The following GPC5 variants were observed in gnomAD, a reference collection of about 807,000 sequenced individuals.
The protein encoded by GPC5 is glypican 5, also known as glypican-5.
Under a neutral mutation model 53.9 loss-of-function variants are expected in GPC5, and 47 were observed. The observed-to-expected ratio is 0.87, with a 90% CI of 0.69 to 1.11. The LOEUF (loss-of-function observed/expected upper bound fraction) is 1.11, where lower values mean the gene tolerates loss of function less well. Ranked by LOEUF, GPC5 falls within the 50% of genes most tolerant of loss-of-function variation. GPC5 has a pLI of 0.00. For missense variants in GPC5, 748 were observed against 713.1 expected (o/e 1.05, Z -0.56); for synonymous variants, 286 against 263.3 (o/e 1.09, Z -0.84).
intron 7 of GPC5, among the ~76,000 whole-genome samples, chr13:92,219,045 A>T (rs1310399171): frequency 6.6e-6 from 1 of 152,168 alleles, no homozygotes; most frequent in Non-Finnish European, 1.5e-5. Context: ...GATTTTAATC[A>T]TCCCAACATT....
chr13:91,522,566 C>T (rs1885877744), intron 2 of GPC5, among the ~76,000 whole-genome samples: 1 of 152,050 alleles, frequency 6.6e-6, no homozygotes, highest in Admixed American at 6.6e-5. Context: ...ATGTGCACAA[C>T]GTGTGGGTTT....
At chr13:91,428,814 A>AT (rs969130751) in intron 1 of GPC5, among the ~76,000 whole-genome samples, 10 of 152,198 alleles carry the variant, frequency 6.6e-5, no homozygotes, top group South Asian at 4.2e-4. Context: ...TTCTAGGGAC[A>AT]TTTTTTGTAT....
chr13:92,037,584 G>T (rs768613626), intron 6 of GPC5, among the ~76,000 whole-genome samples: 6 of 152,136 alleles, frequency 3.9e-5, no homozygotes, highest in Admixed American at 6.5e-5. Flanking sequence ...AACTCCCTGA[G>T]ATATGGGATT....
rs34793615 is a variant in GPC5, at chr13:92,368,634, T to TAAA, written c.1561+223669_1561+223671dup. ...CCTGGGTGATAGAGCAAGACTGTCT[T>TAAA]AAAAAAAAAAAAAAAAAAAAAAAAA... On this transcript the variant is annotated intron_variant, in intron 7 of 7. Transcript: ENST00000377067. Among the ~76,000 whole-genome samples the TAAA allele has an allele frequency of 8.3e-3, 553 of 66,332 alleles. 23 individuals carry two copies. Among genetic ancestry groups the TAAA allele is most frequent in the African/African-American group, 0.029 (486 of 16,744 alleles). 43.5% of individuals were successfully genotyped at this position (66,332 alleles called of 152,430 possible).
intron 7 of GPC5, among the ~76,000 whole-genome samples, chr13:92,789,980 A>G (rs1876405097): frequency 6.6e-6 from 1 of 152,114 alleles, no homozygotes; most frequent in Non-Finnish European, 1.5e-5. Flanking sequence ...CAAGAGTCCA[A>G]AAACTGAAGA....
rs182346638 is a variant in GPC5 at position 91,779,751 on chromosome 13, G to A, written c.1280+23331G>A. 7.9e-5 allele frequency among the ~76,000 whole-genome samples: 12 copies of A among 152,266 alleles called. No individual in the cohort carries two copies. The East Asian group carries it at 2.3e-3, about 29-fold the overall frequency. On this transcript the variant is annotated intron_variant, in intron 5 of 7. Coordinates refer to ENST00000377067, the MANE Select transcript of GPC5 (RefSeq NM_004466.6). ...CAGGGTCAGAATGATCAATATCAGT[G>A]TCTTCTGCCTCCACATCTTGTCCCA... is the stretch of plus-strand genomic sequence containing the variant.
At chr13:92,227,752 T>C (rs1025222336) in intron 7 of GPC5, among the ~76,000 whole-genome samples, 2 of 152,186 alleles carry the variant, frequency 1.3e-5, no homozygotes, top group Non-Finnish European at 2.9e-5. Flanking sequence ...AATTTTTTTC[T>C]TAATTTTTAA....
At chr13:91,462,933 T>C (rs1882025374) in intron 2 of GPC5, among the ~76,000 whole-genome samples, 1 of 152,116 alleles carries the variant, frequency 6.6e-6, no homozygotes, top group Non-Finnish European at 1.5e-5. Flanking sequence ...TGAAATTATA[T>C]ATTTTGAATG....
chr13:92,592,486 C>T (rs1483493235), intron 7 of GPC5, among the ~76,000 whole-genome samples: 1 of 151,252 alleles, frequency 6.6e-6, no homozygotes, highest in Non-Finnish European at 1.5e-5. Flanking sequence ...GTTCTAAGTA[C>T]AGGGGATGGA....
At chr13:92,444,445 G>T (rs1024966656) in intron 7 of GPC5, among the ~76,000 whole-genome samples, 1 of 152,126 alleles carries the variant, frequency 6.6e-6, no homozygotes, top group East Asian at 1.9e-4. Flanking sequence ...GTCTCAATTA[G>T]ATCAGCCTGC....
At chr13:92,532,893 A>G (rs1432369887) in intron 7 of GPC5, among the ~76,000 whole-genome samples, 12 of 152,182 alleles carry the variant, frequency 7.9e-5, no homozygotes, top group Non-Finnish European at 1.5e-4. Context: ...AGTCAAAACA[A>G]TGTGGGTTTA....
chr13:91,862,465 A>G (rs1198987725), intron 5 of GPC5, among the ~76,000 whole-genome samples: 2 of 152,164 alleles, frequency 1.3e-5, no homozygotes, highest in Non-Finnish European at 2.9e-5. Context: ...TATTAAAGGG[A>G]AGGCATGTTG....
intron 7 of GPC5, chr13:92,509,974 A>T (rs1457227894): frequency 6.6e-6 from 1 of 152,184 alleles, no homozygotes; most frequent in Admixed American, 6.5e-5. Context: ...TAAATGTTGT[A>T]AGCTTAATAT....
chr13:92,848,411 TGTTC>T (rs1878679447), intron 7 of GPC5, among the ~76,000 whole-genome samples: 1 of 152,170 alleles, frequency 6.6e-6, no homozygotes, highest in South Asian at 2.1e-4. Context: ...AAGAGTAAAG[TGTTC>T]GTTTATATAT....
intron 7 of GPC5, among the ~76,000 whole-genome samples, chr13:92,413,157 G>A (rs1259618312): frequency 2.0e-5 from 3 of 152,160 alleles, no homozygotes; most frequent in Non-Finnish European, 4.4e-5. Flanking sequence ...AACCTGGTGG[G>A]TGGTTGAACC....
chr13:91,591,216 C>T (rs1204715042), intron 2 of GPC5, among the ~76,000 whole-genome samples: 2 of 152,128 alleles, frequency 1.3e-5, no homozygotes, highest in African/African-American at 4.8e-5. Context: ...ACAAATCTTC[C>T]ACCAGAAATT....
chr13:91,779,310 C>T (rs1387301574), intron 5 of GPC5, among the ~76,000 whole-genome samples: 1 of 152,090 alleles, frequency 6.6e-6, no homozygotes, highest in African/African-American at 2.4e-5. Context: ...TGGAGCTGTA[C>T]AAAAATATTT....
At chr13:92,137,842 G>A (rs2041797349) in intron 6 of GPC5, among the ~76,000 whole-genome samples, 1 of 152,160 alleles carries the variant, frequency 6.6e-6, no homozygotes, top group East Asian at 1.9e-4. Flanking sequence ...GTGGCCCAGA[G>A]AAGTAATGTC....
intron 7 of GPC5, among the ~76,000 whole-genome samples, chr13:92,578,221 C>T (rs1338676745): frequency 6.6e-6 from 1 of 152,086 alleles, no homozygotes; most frequent in Admixed American, 6.6e-5. Context: ...TCAATCGAAA[C>T]CCTTTTATGT....
Sources: allele counts gnomAD v4.1 joint callset (sites outside exome capture counted in the v4.1 genomes callset), GRCh38; gene constraint gnomAD v4.1.1; transcripts MANE v1.5; gene names NCBI Gene and HGNC (gene_info 2026-07-23, HGNC 2026-07-21).